The following ZFC3H1 variants were observed in gnomAD, a reference collection of about 807,000 sequenced individuals.
ZFC3H1 encodes the protein zinc finger C3H1 domain-containing protein.
In ZFC3H1, 71 loss-of-function variants were observed where a neutral mutation model predicts 243.7. The ratio of observed to expected loss-of-function variants is 0.29; its 90% CI spans 0.24 to 0.36. The LOEUF (loss-of-function observed/expected upper bound fraction) is 0.36, where lower values mean the gene tolerates loss of function less well. Ranked by LOEUF, ZFC3H1 falls within the 10% of genes least tolerant of loss-of-function variation. The probability of loss-of-function intolerance (pLI) is 1.00; values close to 1 mark genes in which losing one functional copy is unlikely to be tolerated. For missense variants in ZFC3H1, 1,966 were observed against 2,317.1 expected, an observed-to-expected ratio of 0.85 and a Z score of 3.11; for synonymous variants, 838 against 813.0, an observed-to-expected ratio of 1.03 and a Z score of -0.52.
intron 28 of ZFC3H1, 85 bp from the exon 29 acceptor site, chr12:71,615,023 T>A (rs1399399508): frequency 1.6e-6 from 2 of 1,269,216 alleles, no homozygotes; most frequent in Admixed American, 3.6e-5. Context: ...ACATTACAGA[T>A]GTTATTACAA....
intron 32 of ZFC3H1, 104 bp downstream of exon 32, chr12:71,611,682 T>A (rs1385435131): frequency 9.4e-5 from 17 of 180,342 alleles, no homozygotes; most frequent in African/African-American, 2.4e-4. Context: ...AAAAAATATA[T>A]ATATATATAT....
intron 9 of ZFC3H1, among the ~76,000 whole-genome samples, 185 bp downstream of exon 9, chr12:71,636,305 T>G (rs968837555): frequency 1.3e-5 from 2 of 152,178 alleles, no homozygotes; most frequent in African/African-American, 4.8e-5. Flanking sequence ...TTACCAGTTT[T>G]CAAGTGAAGG....
At chr12:71,629,501 C>T in intron 19 of ZFC3H1, 108 bp downstream of exon 19, 1 of 718,260 alleles carries the variant, frequency 1.4e-6, no homozygotes, top group East Asian at 2.7e-5. Flanking sequence ...AACATAATAC[C>T]AACAAAATTT....
intron 1 of ZFC3H1, among the ~76,000 whole-genome samples, chr12:71,659,478 T>C (rs1881108333): frequency 6.6e-6 from 1 of 151,938 alleles, no homozygotes; most frequent in Non-Finnish European, 1.5e-5. Context: ...AGTTTCTCAC[T>C]CTCCCTTCCC....
In ZFC3H1 at chr12:71,613,470, A is replaced by G. The variant is rs551207371; in HGVS notation, c.5527-35T>C. The G allele has an allele frequency of 2.6e-5, 38 of 1,487,052 alleles. No individual in the cohort carries two copies. In the East Asian group the frequency reaches 3.0e-4, roughly 12 times the overall value. The allele number at this position is 1,487,052 out of a possible 1,614,324, so 92.1% of individuals were successfully genotyped here. ...TTGAGGGGGGCGAAAAATGAATGCA[A>G]CCAAAATGTGAAATCCAATTACCTA... On this transcript the variant is annotated intron_variant, in intron 30 of 34. Coordinates refer to ENST00000378743, the MANE Select transcript of ZFC3H1 (RefSeq NM_144982.5).
chr12:71,644,781 G>A, intron 4 of ZFC3H1, 96 bp downstream of exon 4: 4 of 1,385,364 alleles, frequency 2.9e-6, no homozygotes, highest in Non-Finnish European at 3.9e-6. Flanking sequence ...TCATGCCACT[G>A]TACTCCAGCC....
At chr12:71,633,499 A>G in intron 12 of ZFC3H1, 61 bp from the exon 13 acceptor site, 1 of 1,400,698 alleles carries the variant, frequency 7.1e-7, no homozygotes, top group Non-Finnish European at 9.6e-7. Flanking sequence ...CTGTCAGAAT[A>G]AAAAAATTTT....
chr12:71,610,683 A>T lies in ZFC3H1; in HGVS notation c.5832+12T>A. The T allele has an allele frequency of 6.2e-7, 1 of 1,613,012 alleles. No individual in the cohort carries two copies. Among genetic ancestry groups the T allele is most frequent in the South Asian group, 1.1e-5 (1 of 90,934 alleles). ...AAAACATCGAGATAAAATAAAAGAT[A>T]AAAAGCATTACATCTTTCCACAGTG... On this transcript the variant is annotated intron_variant, in intron 34 of 34. Transcript: ENST00000378743.
chr12:71,619,566 CT>C (rs1879974470), intron 26 of ZFC3H1, among the ~76,000 whole-genome samples, 157 bp from the exon 27 acceptor site: 1 of 152,100 alleles, frequency 6.6e-6, no homozygotes, highest in Admixed American at 6.5e-5. Context: ...ACTCAGAAAA[CT>C]TTTATATTTT....
At chr12:71,633,083 C>CA in intron 13 of ZFC3H1, 66 bp from the exon 14 acceptor site, 24 of 1,508,644 alleles carry the variant, frequency 1.6e-5, no homozygotes, top group Non-Finnish European at 2.1e-5. Flanking sequence ...TTCTTCTTCT[C>CA]AAACACCGTG....
intron 2 of ZFC3H1, among the ~76,000 whole-genome samples, chr12:71,655,749 G>A (rs1257977043): frequency 1.3e-5 from 2 of 151,740 alleles, no homozygotes; most frequent in African/African-American, 2.4e-5. Context: ...CTATTACAGA[G>A]AATAAAGATG....
intron 6 of ZFC3H1, among the ~76,000 whole-genome samples, 178 bp downstream of exon 6, chr12:71,642,258 T>C (rs1388683254): frequency 6.6e-6 from 1 of 152,228 alleles, no homozygotes; most frequent in Non-Finnish European, 1.5e-5. Flanking sequence ...AAGGTTAATA[T>C]TACTTATTTG....
chr12:71,619,975 G>T lies in ZFC3H1; in HGVS notation c.5000C>A (p.Pro1667His), dbSNP rs372412155. 1.4e-4 allele frequency: 217 copies of T among 1,603,678 alleles called. No individual in the cohort carries two copies. The highest frequency in any genetic ancestry group is 1.7e-4 in the Non-Finnish European group (204 of 1,173,394). ...ATGATAAAAAACCTCTGCATTCTGAGGATTTTTTTCAAATGCAGTAAGCCA... is the reference window on the plus strand; with the variant it reads ...ATGATAAAAAACCTCTGCATTCTGATGATTTTTTTCAAATGCAGTAAGCCA... Reference protein sequence around the residue: ...AVWLTAFEKNPQNAEVFYHMC... With the variant: ...AVWLTAFEKNHQNAEVFYHMC... Residue 1667 changes from proline (P) to histidine (H), a missense_variant, in exon 26 of 35, where the codon CCT (proline) becomes CAT (histidine). By Grantham distance (77) the Pro-to-His change is moderately conservative. Coordinates refer to ENST00000378743, the MANE Select transcript of ZFC3H1 (RefSeq NM_144982.5).
In ZFC3H1 at chr12:71,626,461, G is replaced by T. The variant is rs1336018719; in HGVS notation, c.4131-15C>A. 2 of 1,570,578 alleles carry T rather than the reference G, an allele frequency of 1.3e-6. No homozygotes were observed. Among genetic ancestry groups the T allele is most frequent in the Non-Finnish European group, 1.7e-6 (2 of 1,157,570 alleles). ...CTGAGCACTCCCTGTATATATAAAA[G>T]AAAAGGTGGAAGTGCTTTTTAGAAC... On this transcript the variant is annotated splice_polypyrimidine_tract_variant and intron_variant, in intron 21 of 34. Transcript: ENST00000378743.
intron 1 of ZFC3H1, among the ~76,000 whole-genome samples, chr12:71,659,845 GA>G (rs1881118770): frequency 6.6e-6 from 1 of 152,124 alleles, no homozygotes; most frequent in South Asian, 2.1e-4. Flanking sequence ...GCTGAAAATG[GA>G]ATGACTTTTT....
chr12:71,634,302 C>A lies in ZFC3H1; in HGVS notation c.2363G>T (p.Arg788Leu), dbSNP rs769225334. The change falls in exon 12 of 35, where the codon CGT becomes CTT. Residue 788 changes from arginine to leucine, a missense_variant and splice_region_variant. Coordinates refer to ENST00000378743, the MANE Select transcript of ZFC3H1 (RefSeq NM_144982.5). ...TGATTTAATCAAACGCTGTTTCTCA[C>A]GGCTAAAATTATCAAAAAGGATATA... ...YRLLKEEIAN[R>L]EKQRLIKSDQ... The A allele has an allele frequency of 1.2e-6, 2 of 1,611,234 alleles. No individual in the cohort carries two copies. The highest frequency in any genetic ancestry group is 1.7e-5 in the Admixed American group (1 of 59,240).
chr12:71,631,198 A>G (rs768201083), intron 16 of ZFC3H1, among the ~76,000 whole-genome samples: 1 of 152,158 alleles, frequency 6.6e-6, no homozygotes, highest in Non-Finnish European at 1.5e-5. Context: ...TTGTATTCTA[A>G]AAGTAGTTTC....
chr12:71,629,514 G>T, intron 19 of ZFC3H1, 95 bp downstream of exon 19: 1 of 807,402 alleles, frequency 1.2e-6, no homozygotes, highest in Non-Finnish European at 2.0e-6. Flanking sequence ...CAAAATTTCT[G>T]TCATACAGAA....
chr12:71,649,017 G>T (rs1421706233), intron 2 of ZFC3H1, among the ~76,000 whole-genome samples: 4 of 151,506 alleles, frequency 2.6e-5, no homozygotes, highest in African/African-American at 9.7e-5. Context: ...CTTGGACCCG[G>T]GAGGTGGAGG....
Sources: gnomAD v4.1 joint callset for allele counts (sites outside exome capture counted in the v4.1 genomes callset) on GRCh38, gnomAD v4.1.1 for gene constraint, MANE v1.5 for transcripts, NCBI Gene and HGNC (gene_info 2026-07-23, HGNC 2026-07-21) for gene names.